MMP16: variants seen among roughly 807,000 people sequenced by gnomAD.
MMP16 encodes the protein matrix metallopeptidase 16.
Under a neutral mutation model 67.8 loss-of-function variants are expected in MMP16, and 12 were observed. The observed-to-expected ratio is 0.18, with a 90% CI of 0.11 to 0.29. MMP16 has a LOEUF of 0.29. Ranked by LOEUF, MMP16 falls within the 10% of genes least tolerant of loss-of-function variation. The probability of loss-of-function intolerance (pLI) is 1.00; values close to 1 mark genes in which losing one functional copy is unlikely to be tolerated. For missense variants in MMP16, 475 were observed against 765.7 expected, an observed-to-expected ratio of 0.62 and a Z score of 4.48; for synonymous variants, 249 against 255.9, an observed-to-expected ratio of 0.97 and a Z score of 0.26.
chr8:88,311,203 G>A (rs760485761), intron 1 of MMP16, among the ~76,000 whole-genome samples: 14 of 152,064 alleles, frequency 9.2e-5, no homozygotes, highest in Non-Finnish European at 1.9e-4. Context: ...GGATGGGGAA[G>A]AAATGAAGGA....
At chr8:88,269,168 C>A (rs1227863723) in intron 1 of MMP16, among the ~76,000 whole-genome samples, 2 of 152,112 alleles carry the variant, frequency 1.3e-5, no homozygotes, top group Non-Finnish European at 2.9e-5. Context: ...TCTACATTAG[C>A]ATTTTACCAT....
intron 6 of MMP16, among the ~76,000 whole-genome samples, chr8:88,090,616 A>G (rs1184896386): frequency 2.6e-4 from 39 of 151,786 alleles, no homozygotes; most frequent in Non-Finnish European, 2.9e-5. Flanking sequence ...ATGACTAAAA[A>G]TTGTCAATTC....
chr8:88,201,531 T>G (rs1563560728), intron 1 of MMP16, among the ~76,000 whole-genome samples: 1 of 152,118 alleles, frequency 6.6e-6, no homozygotes. Flanking sequence ...ATGTAAACAT[T>G]TTTATTATTT....
intron 7 of MMP16, among the ~76,000 whole-genome samples, chr8:88,071,460 A>T (rs1475992014): frequency 2.6e-5 from 4 of 152,100 alleles, no homozygotes; most frequent in Non-Finnish European, 4.4e-5. Context: ...ATATATAATA[A>T]TTGTCTAGCA....
chr8:88,176,800 C>T (rs1808899303), intron 3 of MMP16, among the ~76,000 whole-genome samples: 1 of 152,006 alleles, frequency 6.6e-6, no homozygotes, highest in African/African-American at 2.4e-5. Context: ...GTGCTAATAC[C>T]CAAAACTGCC....
At chr8:88,136,197 A>G (rs1455443122) in intron 4 of MMP16, among the ~76,000 whole-genome samples, 2 of 151,828 alleles carry the variant, frequency 1.3e-5, no homozygotes. Flanking sequence ...AAAAAGGTTC[A>G]TGGATTTGAC....
chr8:88,314,182 G>A (rs1165489380), intron 1 of MMP16, among the ~76,000 whole-genome samples: 2 of 152,094 alleles, frequency 1.3e-5, no homozygotes, highest in East Asian at 3.9e-4. Flanking sequence ...GTAATCTGCT[G>A]TTAATTTCAA....
At chr8:88,209,566 TAA>T (rs1449309133) in intron 1 of MMP16, among the ~76,000 whole-genome samples, 1 of 144,532 alleles carries the variant, frequency 6.9e-6, no homozygotes. Context: ...TCTGTGTCCC[TAA>T]TCCCTGAATT....
rs1808616706 is a variant in MMP16 at position 88,074,742 on chromosome 8, T to C, written c.1085A>G (p.Asp362Gly). The C allele has an allele frequency of 6.2e-7, 1 of 1,612,046 alleles. No individual in the cohort carries two copies. The highest frequency in any genetic ancestry group is 1.7e-5 in the Admixed American group (1 of 59,798). Reference sequence around the variant, plus strand: ...GTTTCTCACTCGCCAAAACCACTGGTCCTGCAAACCAAGCAAAGGCATCTC... The same window carrying C: ...GTTTCTCACTCGCCAAAACCACTGGCCCTGCAAACCAAGCAAAGGCATCTC... ...ILRREMFVFK[D>G]QWFWRVRNNR... is the part of the protein sequence containing the mutation. The change falls in exon 7 of 10, where the codon GAC (aspartate) becomes GGC (glycine). Residue 362 changes from aspartate (D) to glycine (G), a missense_variant and splice_region_variant. This residue lies in a region of MMP16 where 195 missense variants were observed against 300.9 expected (regional missense o/e 0.65). Transcript: ENST00000286614.
At chr8:88,275,414 T>C (rs1810631339) in intron 1 of MMP16, among the ~76,000 whole-genome samples, 1 of 151,990 alleles carries the variant, frequency 6.6e-6, no homozygotes, top group Non-Finnish European at 1.5e-5. Flanking sequence ...TGAAAAGGGT[T>C]TGAATAATGA....
At chr8:88,305,924 T>C (rs953944897) in intron 1 of MMP16, among the ~76,000 whole-genome samples, 2 of 148,578 alleles carry the variant, frequency 1.3e-5, no homozygotes, top group African/African-American at 2.5e-5. Context: ...GAAGACAAAA[T>C]ATAATCAAGA....
intron 4 of MMP16, among the ~76,000 whole-genome samples, chr8:88,140,127 C>T (rs1275262413): frequency 6.6e-6 from 1 of 152,118 alleles, no homozygotes; most frequent in Non-Finnish European, 1.5e-5. Flanking sequence ...CTAGACTTGA[C>T]TGAGGCTGGA....
intron 6 of MMP16, among the ~76,000 whole-genome samples, chr8:88,089,163 C>G (rs909939088): frequency 6.6e-6 from 1 of 152,020 alleles, no homozygotes; most frequent in African/African-American, 2.4e-5. Flanking sequence ...GTCTCTTTCA[C>G]TAGGCTGGAA....
At chr8:88,082,909 C>T (rs1257174581) in intron 6 of MMP16, among the ~76,000 whole-genome samples, 1 of 151,738 alleles carries the variant, frequency 6.6e-6, no homozygotes, top group Admixed American at 6.6e-5. Flanking sequence ...TGGAAACATA[C>T]CCACATGGAG....
chr8:88,166,178 A>T (rs1164955967), intron 4 of MMP16, among the ~76,000 whole-genome samples: 2 of 152,116 alleles, frequency 1.3e-5, no homozygotes, highest in Non-Finnish European at 1.5e-5. Context: ...GAACCCTCTT[A>T]TGAACAAACA....
chr8:88,278,081 C>T (rs753004532), intron 1 of MMP16, among the ~76,000 whole-genome samples: 1 of 152,126 alleles, frequency 6.6e-6, no homozygotes, highest in Non-Finnish European at 1.5e-5. Flanking sequence ...AACGAAAAGA[C>T]CAGGAAGGCC....
At position 88,294,289 on chromosome 8, in the gene MMP16, T is replaced by A. The variant is rs548149430; in HGVS notation, c.132+32786A>T. Among the ~76,000 whole-genome samples the A allele has an allele frequency of 1.5e-3, 175 of 119,700 alleles. 3 individuals carry two copies. Among genetic ancestry groups the A allele is most frequent in the Admixed American group, 0.011 (118 of 10,456 alleles). 78.5% of individuals were successfully genotyped at this position (119,700 alleles called of 152,430 possible). A position where few individuals can be genotyped will look rare whatever the true frequency, so the allele number is the denominator to read the frequency against. On this transcript the variant is annotated intron_variant, in intron 1 of 9. Coordinates refer to ENST00000286614, the MANE Select transcript of MMP16 (RefSeq NM_005941.5). ...GTATATCTATATATACACACACACA[T>A]ATATGTATATATGTATATATGTATA... is the stretch of plus-strand genomic sequence containing the variant.
intron 1 of MMP16, among the ~76,000 whole-genome samples, chr8:88,225,403 T>C (rs1210822508): frequency 6.6e-6 from 1 of 152,008 alleles, no homozygotes; most frequent in Non-Finnish European, 1.5e-5. Flanking sequence ...CCACATTTAA[T>C]TGGACTTGAG....
intron 4 of MMP16, among the ~76,000 whole-genome samples, chr8:88,125,431 T>G (rs1807910592): frequency 1.3e-5 from 2 of 151,912 alleles, no homozygotes; most frequent in Admixed American, 1.3e-4. Flanking sequence ...TTAACAGGTC[T>G]TCCAAAATCA....
Sources: gnomAD v4.1 joint callset for allele counts (sites outside exome capture counted in the v4.1 genomes callset) on GRCh38, gnomAD v4.1.1 for gene constraint, gnomAD v4.1.1 regional missense constraint, MANE v1.5 for transcripts, NCBI Gene and HGNC (gene_info 2026-07-23, HGNC 2026-07-21) for gene names.